HACD2: variants seen among roughly 807,000 people sequenced by gnomAD.
The protein encoded by HACD2 is very-long-chain (3R)-3-hydroxyacyl-CoA dehydratase 2.
A neutral mutation model predicts 31.0 loss-of-function variants in HACD2; 15 were observed. That is an observed-to-expected ratio of 0.48 (90% CI 0.32 to 0.75). The LOEUF (loss-of-function observed/expected upper bound fraction) is 0.75. HACD2 is among the 30% of genes least tolerant of loss of function. The pLI, the probability that HACD2 is intolerant of heterozygous loss-of-function variation, is 0.03. For missense variants in HACD2, 283 were observed against 313.0 expected (o/e 0.90, Z 0.72); for synonymous variants, 115 against 122.2 (o/e 0.94, Z 0.39).
intron 3 of HACD2, among the ~76,000 whole-genome samples, chr3:123,565,897 A>C (rs1175954563): frequency 6.6e-6 from 1 of 152,244 alleles, no homozygotes; most frequent in Non-Finnish European, 1.5e-5. Context: ...AAGACTGCAC[A>C]AAAGTTTAAT....
chr3:123,553,960 A>T (rs148914241), intron 3 of HACD2, among the ~76,000 whole-genome samples: 4,475 of 149,358 alleles, frequency 0.03, 72 homozygotes, highest in Middle Eastern at 0.082. Context: ...AATAATATAT[A>T]TTATTATTTT....
rs994430148 is a variant in HACD2, at chr3:123,491,671, A to G, written c.*3217T>C. ...AAAAACAGCTTTCAAATGCATGCAT[A>G]GAAAGTTAAGCGTAGTCTCTGGACT... On this transcript the variant is annotated 3_prime_UTR_variant, in exon 7 of 7. Coordinates refer to ENST00000383657, the MANE Select transcript of HACD2 (RefSeq NM_198402.5). The G allele has an allele frequency of 1.3e-5, 2 of 152,688 alleles. No homozygotes were observed. Among genetic ancestry groups the G allele is most frequent in the Non-Finnish European group, 2.9e-5 (2 of 68,046 alleles). The allele number at this position is 152,688 out of a possible 1,614,324, so 9.5% of individuals were successfully genotyped here.
At chr3:123,550,674 C>T (rs1244342452) in intron 3 of HACD2, among the ~76,000 whole-genome samples, 1 of 152,084 alleles carries the variant, frequency 6.6e-6, no homozygotes, top group East Asian at 1.9e-4. Flanking sequence ...GGTCGGGGAA[C>T]AATGATGAGG....
intron 2 of HACD2, among the ~76,000 whole-genome samples, chr3:123,572,693 T>C (rs909055794): frequency 6.6e-6 from 1 of 152,168 alleles, no homozygotes; most frequent in Non-Finnish European, 1.5e-5. Context: ...GAATTATTTT[T>C]GTAGGTTACC....
rs1280017612 is a variant in HACD2, at chr3:123,517,999, CGGCT to C, written c.381+10383_381+10386del. Among the ~76,000 whole-genome samples, 7 of 2,562 alleles carry C rather than the reference CGGCT, an allele frequency of 2.7e-3. 3 individuals are homozygous for C. The highest frequency in any genetic ancestry group is 1 in the East Asian group (2 of 2). 1.7% of individuals were successfully genotyped at this position (2,562 alleles called of 152,430 possible). On this transcript the variant is annotated intron_variant, in intron 4 of 6. Coordinates refer to ENST00000383657, the MANE Select transcript of HACD2 (RefSeq NM_198402.5). ...CGAGGTCAGGAGATCGAGACCATCCCGGCTAAAACGGTGAAACCCCGTCTCTACT... is the reference window on the plus strand; with the variant it reads ...CGAGGTCAGGAGATCGAGACCATCCCAAAACGGTGAAACCCCGTCTCTACT...
intron 2 of HACD2, among the ~76,000 whole-genome samples, chr3:123,568,265 G>A (rs1352712764): frequency 6.6e-6 from 1 of 152,160 alleles, no homozygotes. Context: ...CTCATTCAAT[G>A]ATCTCACTGC....
Position 123,575,021 on chromosome 3 carries a change from G to A in HACD2, c.273+7191C>T, listed in dbSNP as rs546528623. On this transcript the variant is annotated intron_variant, in intron 2 of 6. Coordinates refer to ENST00000383657, the MANE Select transcript of HACD2 (RefSeq NM_198402.5). ...TTATGGGATTCCACATGATCACACT[G>A]CATTCTGTACCGTGGTCTAAAGGCT... Among the ~76,000 whole-genome samples, 29 of 152,088 alleles carry A rather than the reference G, an allele frequency of 1.9e-4. 1 individual carries two copies. The South Asian group carries it at 5.8e-3, about 30-fold the overall frequency.
At chr3:123,532,923 C>T (rs2056381999) in intron 3 of HACD2, among the ~76,000 whole-genome samples, 1 of 151,690 alleles carries the variant, frequency 6.6e-6, no homozygotes, top group Admixed American at 6.6e-5. Flanking sequence ...ATAATGTCCA[C>T]CCTATCACTC....
At chr3:123,498,017 A>C (rs1257973167) in intron 6 of HACD2, among the ~76,000 whole-genome samples, 1 of 152,200 alleles carries the variant, frequency 6.6e-6, no homozygotes, top group Non-Finnish European at 1.5e-5. Flanking sequence ...AAGCTTTGGA[A>C]AGTTGGAAAT....
chr3:123,563,378 G>C (rs2056755121), intron 3 of HACD2, among the ~76,000 whole-genome samples: 2 of 152,210 alleles, frequency 1.3e-5, no homozygotes, highest in African/African-American at 4.8e-5. Context: ...GATGAGCATG[G>C]AGTGGGAGGC....
intron 2 of HACD2, among the ~76,000 whole-genome samples, chr3:123,574,715 A>G (rs141444430): frequency 6.4e-4 from 97 of 152,282 alleles, no homozygotes; most frequent in Non-Finnish European, 1.1e-3. Flanking sequence ...ATACTAAAGT[A>G]TATTAAAAGT....
chr3:123,571,164 GAATA>G (rs1441912157), intron 2 of HACD2, among the ~76,000 whole-genome samples: 1 of 152,134 alleles, frequency 6.6e-6, no homozygotes, highest in Non-Finnish European at 1.5e-5. Context: ...TGTGCAGAGA[GAATA>G]AATTACTTAA....
rs145760738 is a variant in HACD2 at position 123,521,874 on chromosome 3, T to C, written c.381+6512A>G. ...AAGACGCTTGCTTGCTTGCTTTCTC[T>C]TTCTTTTACATGTAACTAACTAAAT... is the stretch of plus-strand genomic sequence containing the variant. On this transcript the variant is annotated intron_variant, in intron 4 of 6. Coordinates refer to ENST00000383657, the MANE Select transcript of HACD2 (RefSeq NM_198402.5). Among the ~76,000 whole-genome samples, 21 of 152,338 alleles carry C rather than the reference T, an allele frequency of 1.4e-4. No homozygotes were observed. In the East Asian group the frequency reaches 3.3e-3, roughly 24 times the overall value.
intron 2 of HACD2, among the ~76,000 whole-genome samples, chr3:123,578,172 A>G (rs2056927713): frequency 6.6e-6 from 1 of 152,084 alleles, no homozygotes; most frequent in African/African-American, 2.4e-5. Flanking sequence ...TTTTTTCAAG[A>G]TTTATCCAGG....
intron 4 of HACD2, among the ~76,000 whole-genome samples, chr3:123,516,231 A>ATTT (rs2056134288): frequency 9.8e-6 from 1 of 102,476 alleles, no homozygotes; most frequent in African/African-American, 3.2e-5. Context: ...AATGTGCAAC[A>ATTT]TATTTTTTTT....
At chr3:123,564,647 A>C (rs577343353) in intron 3 of HACD2, among the ~76,000 whole-genome samples, 34 of 152,326 alleles carry the variant, frequency 2.2e-4, no homozygotes, top group Admixed American at 2.1e-3. Flanking sequence ...ATCGATGGGC[A>C]TGAGGAAGTA....
At chr3:123,558,559 A>G (rs2056695437) in intron 3 of HACD2, among the ~76,000 whole-genome samples, 1 of 152,164 alleles carries the variant, frequency 6.6e-6, no homozygotes, top group Non-Finnish European at 1.5e-5. Flanking sequence ...CTGTGAACCT[A>G]AAACTGCTCT....
chr3:123,505,794 G>A (rs182781282), intron 4 of HACD2, among the ~76,000 whole-genome samples: 5 of 152,356 alleles, frequency 3.3e-5, no homozygotes, highest in African/African-American at 1.2e-4. Context: ...TATGTAAAAG[G>A]ATACCATGAG....
intron 3 of HACD2, among the ~76,000 whole-genome samples, chr3:123,547,528 G>A (rs1457373010): frequency 6.6e-6 from 1 of 152,172 alleles, no homozygotes; most frequent in Non-Finnish European, 1.5e-5. Flanking sequence ...CCCTTTCCAA[G>A]TGAGAGTTCT....
Sources: allele counts gnomAD v4.1 joint callset (sites outside exome capture counted in the v4.1 genomes callset), GRCh38; gene constraint gnomAD v4.1.1; transcripts MANE v1.5; gene names NCBI Gene and HGNC (gene_info 2026-07-23, HGNC 2026-07-21).